WHRN: variants seen among roughly 807,000 people sequenced by gnomAD.
WHRN encodes whirlin.
In WHRN, 41 loss-of-function variants were observed where a neutral mutation model predicts 68.3. The ratio of observed to expected loss-of-function variants is 0.60; its 90% CI spans 0.47 to 0.78. WHRN has a LOEUF of 0.78. WHRN is among the 30% of genes least tolerant of loss of function. The pLI, the probability that WHRN is intolerant of heterozygous loss-of-function variation, is 0.00. For synonymous variants in WHRN, 560 were observed against 561.3 expected (o/e 1.00, Z 0.03); for missense variants, 1,243 against 1,244.7 (o/e 1.00, Z 0.02).
chr9:114,446,154 A>G (rs1283878991), intron 3 of WHRN, among the ~76,000 whole-genome samples: 1 of 152,218 alleles, frequency 6.6e-6, no homozygotes, highest in Non-Finnish European at 1.5e-5. Flanking sequence ...ACAAAATGCG[A>G]TATCACCATA....
intron 3 of WHRN, among the ~76,000 whole-genome samples, chr9:114,430,677 T>C (rs1366310121): frequency 6.6e-6 from 1 of 152,208 alleles, no homozygotes; most frequent in Non-Finnish European, 1.5e-5. Flanking sequence ...CTCATGCCTG[T>C]TAAGTAAATA....
rs1229400283 is a variant in WHRN at position 114,504,906 on chromosome 9, G to C, written c.-105C>G. On this transcript the variant is annotated 5_prime_UTR_variant, in exon 1 of 12. Transcript: ENST00000362057. ...GCTGGATCCCCGGGAGCGCGGAGAC[G>C]ACGGCTGGAGCCTGGGTTTGGGGAG... The C allele has an allele frequency of 5.3e-6, 7 of 1,318,706 alleles. No homozygotes were observed. The highest frequency in any genetic ancestry group is 1.6e-5 in the African/African-American group (1 of 64,292). The allele number at this position is 1,318,706 out of a possible 1,614,324, so 81.7% of individuals were successfully genotyped here.
At chr9:114,482,079 T>A (rs1842135747) in intron 1 of WHRN, among the ~76,000 whole-genome samples, 2 of 151,710 alleles carry the variant, frequency 1.3e-5, no homozygotes, top group Non-Finnish European at 2.9e-5. Flanking sequence ...GTGAAACTTG[T>A]GCATAGTGAA....
chr9:114,417,756 A>G (rs774742545), intron 7 of WHRN, among the ~76,000 whole-genome samples: 7 of 152,220 alleles, frequency 4.6e-5, no homozygotes, highest in Non-Finnish European at 1.0e-4. Flanking sequence ...AAAGGTGATT[A>G]TTTCAAGCTC....
chr9:114,406,718 G>A lies in WHRN; in HGVS notation c.1873C>T (p.Gln625Ter), dbSNP rs770373771. ...SCSGTVFSAP[Q>*]NRSPPAGTAP... ...GTGCCCGCTGGCGGGCTGCGGTTCT[G>A]TGGAGCCGAGAAGACAGTGCCCGAG... The change falls in exon 9 of 12, where the codon CAG becomes TAG. Residue 625 changes from glutamine to a stop codon, truncating the protein, a stop_gained. Coordinates refer to ENST00000362057, the MANE Select transcript of WHRN (RefSeq NM_015404.4). LOFTEE classifies it high-confidence loss of function. 1 of 1,614,142 alleles carries A rather than the reference G, an allele frequency of 6.2e-7. No individual in the cohort carries two copies. The highest frequency in any genetic ancestry group is 8.5e-7 in the Non-Finnish European group (1 of 1,180,032).
chr9:114,480,176 C>G (rs1434752559), intron 1 of WHRN, among the ~76,000 whole-genome samples: 2 of 152,084 alleles, frequency 1.3e-5, no homozygotes, highest in African/African-American at 4.8e-5. Context: ...ATGGAACCAC[C>G]GTGAGGAGAG....
intron 1 of WHRN, among the ~76,000 whole-genome samples, chr9:114,499,786 G>A (rs1199393971): frequency 6.6e-6 from 1 of 152,184 alleles, no homozygotes; most frequent in Non-Finnish European, 1.5e-5. Context: ...CCAATTGGTC[G>A]GGGGGTTAAA....
chr9:114,406,919 A>AG (rs1172954389), intron 8 of WHRN, 27 bp from the exon 9 acceptor site: 2 of 1,554,546 alleles, frequency 1.3e-6, no homozygotes, highest in Non-Finnish European at 1.7e-6. Flanking sequence ...CAGGCGGAGA[A>AG]GGAGTCAGAC....
At chr9:114,443,039 T>C (rs1225011405) in intron 3 of WHRN, among the ~76,000 whole-genome samples, 1 of 152,208 alleles carries the variant, frequency 6.6e-6, no homozygotes, top group Non-Finnish European at 1.5e-5. Flanking sequence ...CTGTGCTTCA[T>C]AGCCATAAAG....
At chr9:114,409,382 C>T (rs1835268568) in intron 7 of WHRN, among the ~76,000 whole-genome samples, 3 of 152,158 alleles carry the variant, frequency 2.0e-5, no homozygotes, top group Admixed American at 6.5e-5. Context: ...GGGGTTACCA[C>T]GGAAGGCTTC....
At chr9:114,405,448 G>T (rs541992760) in intron 9 of WHRN, among the ~76,000 whole-genome samples, 2 of 152,272 alleles carry the variant, frequency 1.3e-5, no homozygotes, top group South Asian at 4.1e-4. Context: ...AACCTCATAG[G>T]GCTACTGGGA....
intron 3 of WHRN, among the ~76,000 whole-genome samples, chr9:114,464,886 G>A (rs1222485070): frequency 6.6e-6 from 1 of 151,820 alleles, no homozygotes; most frequent in Non-Finnish European, 1.5e-5. Context: ...CTGTCCCTTT[G>A]GGCTGCTATA....
chr9:114,433,710 C>T (rs1249823570), intron 3 of WHRN, among the ~76,000 whole-genome samples: 2 of 151,992 alleles, frequency 1.3e-5, no homozygotes, highest in Non-Finnish European at 2.9e-5. Flanking sequence ...TAAAAAGATG[C>T]AGGTAATTGC....
At chr9:114,451,184 G>A (rs1839297475) in intron 3 of WHRN, among the ~76,000 whole-genome samples, 1 of 152,204 alleles carries the variant, frequency 6.6e-6, no homozygotes. Flanking sequence ...CCCATCCAAG[G>A]TAAAATAGAA....
intron 3 of WHRN, among the ~76,000 whole-genome samples, chr9:114,458,127 T>C (rs893188270): frequency 1.1e-4 from 16 of 152,202 alleles, no homozygotes; most frequent in African/African-American, 3.6e-4. Flanking sequence ...TACTTGCTAG[T>C]TGTAGAAAAG....
At chr9:114,418,014 C>T (rs912010710) in intron 7 of WHRN, among the ~76,000 whole-genome samples, 4 of 152,260 alleles carry the variant, frequency 2.6e-5, no homozygotes, top group Non-Finnish European at 4.4e-5. Flanking sequence ...AGTGGAGTAC[C>T]GGTGTGGGGG....
intron 1 of WHRN, among the ~76,000 whole-genome samples, chr9:114,486,885 AGTGT>A (rs142516414): frequency 0.011 from 804 of 73,624 alleles, 30 homozygotes; most frequent in African/African-American, 0.034. Flanking sequence ...TGATTAAATT[AGTGT>A]GTGTGTGTGT....
chr9:114,459,428 A>G (rs938803873), intron 3 of WHRN, among the ~76,000 whole-genome samples: 7 of 151,552 alleles, frequency 4.6e-5, no homozygotes, highest in South Asian at 2.1e-4. Context: ...ATGCCACTAC[A>G]CTCCAGCCTG....
intron 1 of WHRN, among the ~76,000 whole-genome samples, chr9:114,492,677 G>A (rs1436633178): frequency 1.3e-5 from 2 of 152,140 alleles, no homozygotes; most frequent in East Asian, 1.9e-4. Flanking sequence ...TTTTTCTGAA[G>A]TTTTCAAGTT....
Sources: allele counts gnomAD v4.1 joint callset (sites outside exome capture counted in the v4.1 genomes callset), GRCh38; gene constraint gnomAD v4.1.1; transcripts MANE v1.5; gene names NCBI Gene and HGNC (gene_info 2026-07-23, HGNC 2026-07-21).